The following REV1 variants were observed in gnomAD, a reference collection of about 807,000 sequenced individuals.
REV1 encodes REV1 DNA directed polymerase, also known as translesion synthesis protein REV1.
REV1 carries 42 observed loss-of-function variants against 137.4 expected under a neutral mutation model. The ratio of observed to expected loss-of-function variants is 0.31; its 90% CI spans 0.24 to 0.40. REV1 has a LOEUF of 0.40. REV1 is among the 10% of genes least tolerant of loss of function. The probability of loss-of-function intolerance (pLI) is 1.00; values close to 1 mark genes in which losing one functional copy is unlikely to be tolerated. For missense variants in REV1, 1,282 were observed against 1,490.1 expected, an observed-to-expected ratio of 0.86 and a Z score of 2.30; for synonymous variants, 524 against 519.2, an observed-to-expected ratio of 1.01 and a Z score of -0.12.
At chr2:99,402,076 T>C (rs547664502) in intron 22 of REV1, among the ~76,000 whole-genome samples, 168 bp downstream of exon 22, 17 of 152,288 alleles carry the variant, frequency 1.1e-4, no homozygotes, top group African/African-American at 4.1e-4. Flanking sequence ...GAGGGCAACA[T>C]ATTTGGAACC....
intron 12 of REV1, among the ~76,000 whole-genome samples, chr2:99,415,815 T>G (rs1677778111): frequency 6.6e-6 from 1 of 152,240 alleles, no homozygotes; most frequent in African/African-American, 2.4e-5. Flanking sequence ...CTGAATGAGG[T>G]GCAGAGGGCC....
intron 11 of REV1, among the ~76,000 whole-genome samples, chr2:99,419,432 G>A (rs1243105015): frequency 6.6e-6 from 1 of 151,600 alleles, no homozygotes; most frequent in Non-Finnish European, 1.5e-5. Flanking sequence ...GGATGGTCTC[G>A]ATCTCCTGAC....
At chr2:99,403,478 A>G in intron 19 of REV1, 1 of 641,466 alleles carries the variant, frequency 1.6e-6, no homozygotes, top group Non-Finnish European at 2.6e-6. Context: ...TTTAAAAAGT[A>G]AAAAGTGGTG....
intron 1 of REV1, among the ~76,000 whole-genome samples, chr2:99,488,561 A>AT: frequency 2.0e-5 from 1 of 49,788 alleles, no homozygotes; most frequent in African/African-American, 6.7e-5. Context: ...AGAGCCTTGT[A>AT]TACTGGAGAA....
Position 99,442,344 on chromosome 2 carries a change from T to C in REV1, c.476A>G (p.Asn159Ser), listed in dbSNP as rs763963947. 8.1e-5 allele frequency: 130 copies of C among 1,612,734 alleles called. 2 individuals are homozygous for C. In the South Asian group the frequency reaches 1.3e-3, roughly 16 times the overall value. Residue 159 changes from asparagine to serine, a missense_variant, in exon 5 of 23, where the codon AAT becomes AGT. Transcript: ENST00000258428. ...CCTGTTGTTGAGCTGTTTGGCTATA[T>C]TGCTTGGACCTGGCAGAGGATCCTC... ...RPEDPLPGPS[N>S]IAKQLNNRVN...
In REV1 at chr2:99,439,150, T is replaced by C. The variant is rs369759935; in HGVS notation, c.664A>G (p.Thr222Ala). The change falls in exon 6 of 23, where the codon ACT becomes GCT. Residue 222 changes from threonine to alanine, a missense_variant. Physicochemically the swap from Thr to Ala is moderately conservative, Grantham distance 58. This residue lies in a region of REV1 where 432 missense variants were observed against 438.0 expected (regional missense o/e 0.99). Coordinates refer to ENST00000258428, the MANE Select transcript of REV1 (RefSeq NM_016316.4). ...QNGIPHPRGS[T>A]AIFNGHTPSS... ...GGAGTGTGTCCATTAAAAATGGCAG[T>C]GCTCCCTCTGGGATGCGGAATTCCA... The C allele has an allele frequency of 1.2e-5, 20 of 1,614,074 alleles. No individual in the cohort carries two copies. The African/African-American group carries it at 2.1e-4, about 17-fold the overall frequency.
At chr2:99,468,522 A>G (rs944982910) in intron 1 of REV1, among the ~76,000 whole-genome samples, 1 of 152,198 alleles carries the variant, frequency 6.6e-6, no homozygotes, top group African/African-American at 2.4e-5. Flanking sequence ...CAAACCATCC[A>G]ATTATCAAGC....
chr2:99,454,383 A>G (rs371871241), intron 3 of REV1, among the ~76,000 whole-genome samples: 145 of 151,550 alleles, frequency 9.6e-4, no homozygotes, highest in African/African-American at 3.4e-3. Context: ...AAACCCCGTC[A>G]CTACTAAAAA....
In REV1 at chr2:99,429,815, A is replaced by G. The variant is rs771108591; in HGVS notation, c.1547+25T>C. The G allele has an allele frequency of 2.0e-5, 27 of 1,338,724 alleles. No individual in the cohort carries two copies. In the African/African-American group the frequency reaches 2.7e-4, roughly 13 times the overall value. The allele number at this position is 1,338,724 out of a possible 1,614,324, so 82.9% of individuals were successfully genotyped here. ...TAATTAACCAAATTATTCATTAAGA[A>G]TTGTAACACACAACTTCTACATACC... On this transcript the variant is annotated intron_variant, in intron 9 of 22. Coordinates refer to ENST00000258428, the MANE Select transcript of REV1 (RefSeq NM_016316.4).
chr2:99,404,199 T>C (rs947164735), intron 18 of REV1, among the ~76,000 whole-genome samples: 5 of 152,090 alleles, frequency 3.3e-5, no homozygotes, highest in Non-Finnish European at 5.9e-5. Context: ...CCCAGATCAG[T>C]GTGTTTCTGT....
At chr2:99,478,033 G>T (rs1575240288) in intron 1 of REV1, among the ~76,000 whole-genome samples, 1 of 152,306 alleles carries the variant, frequency 6.6e-6, no homozygotes, top group East Asian at 1.9e-4. Context: ...AGGAGTTCGA[G>T]ACCAGCCTGG....
chr2:99,442,338 G>A lies in REV1; in HGVS notation c.482C>T (p.Ala161Val), dbSNP rs1317335496. The A allele has an allele frequency of 1.2e-6, 2 of 1,609,274 alleles. No homozygotes were observed. The highest frequency in any genetic ancestry group is 1.7e-6 in the Non-Finnish European group (2 of 1,177,618). ...TTACACCCTGTTGTTGAGCTGTTTG[G>A]CTATATTGCTTGGACCTGGCAGAGG... ...EDPLPGPSNIAKQLNNRVNHI... is the reference protein window; with the variant it reads ...EDPLPGPSNIVKQLNNRVNHI... Residue 161 changes from alanine (A) to valine (V), a missense_variant, in exon 5 of 23, where the codon GCC becomes GTC. Physicochemically the swap from Ala to Val is moderately conservative, Grantham distance 64 (BLOSUM62 0). Around this residue, in one of 7 missense-constraint regions of REV1, gnomAD observed 432 missense variants for 438.0 expected, o/e 0.99. Transcript: ENST00000258428.
At chr2:99,410,923 A>G in intron 13 of REV1, 56 bp from the exon 14 acceptor site, 1 of 1,392,530 alleles carries the variant, frequency 7.2e-7, no homozygotes, top group Non-Finnish European at 9.7e-7. Flanking sequence ...ATACCTAATA[A>G]TTGTTCTCAA....
intron 1 of REV1, among the ~76,000 whole-genome samples, chr2:99,474,497 A>G (rs888932335): frequency 6.6e-6 from 1 of 152,248 alleles, no homozygotes; most frequent in African/African-American, 2.4e-5. Context: ...ATGCTTCTTC[A>G]CCAGGTAATC....
At chr2:99,482,992 G>T (rs938880984) in intron 1 of REV1, among the ~76,000 whole-genome samples, 1 of 149,984 alleles carries the variant, frequency 6.7e-6, no homozygotes, top group East Asian at 1.9e-4. Flanking sequence ...ACTCCAGCCT[G>T]GGCGACAAGG....
intron 1 of REV1, among the ~76,000 whole-genome samples, chr2:99,488,730 C>G (rs950678033): frequency 6.6e-6 from 1 of 152,140 alleles, no homozygotes; most frequent in Non-Finnish European, 1.5e-5. Context: ...TTGCTACATA[C>G]AGAACTCCAT....
In REV1 at chr2:99,402,662, A is replaced by G. The variant is rs994965794; in HGVS notation, c.3523T>C (p.Trp1175Arg). 1 of 1,614,002 alleles carries G rather than the reference A, an allele frequency of 6.2e-7. No homozygotes were observed. The highest frequency in any genetic ancestry group is 8.5e-7 in the Non-Finnish European group (1 of 1,179,944). ...AGCCAACCTGAAATTGTAGTTATCC[A>G]TTCTCTGAGCAAGGTCTTCACATCA... ...FNDVKTLLRE[W>R]ITTISDPMEE... The change falls in exon 21 of 23, where the codon TGG becomes CGG. Residue 1175 changes from tryptophan to arginine, a missense_variant. Around this residue, in one of 7 missense-constraint regions of REV1, gnomAD observed 170 missense variants for 156.8 expected, o/e 1.08. Coordinates refer to ENST00000258428, the MANE Select transcript of REV1 (RefSeq NM_016316.4).
chr2:99,469,903 C>T (rs1187317812), intron 1 of REV1, among the ~76,000 whole-genome samples: 6 of 151,986 alleles, frequency 3.9e-5, no homozygotes, highest in South Asian at 4.2e-4. Context: ...GGGCAGATCA[C>T]GAGGTCAGGA....
intron 1 of REV1, among the ~76,000 whole-genome samples, chr2:99,487,825 C>T (rs1231044108): frequency 8.5e-6 from 1 of 117,722 alleles, no homozygotes; most frequent in Non-Finnish European, 1.8e-5. Flanking sequence ...TCCTCTCACG[C>T]TTTGTCTCTA....
Sources: allele counts gnomAD v4.1 joint callset (sites outside exome capture counted in the v4.1 genomes callset), GRCh38; gene constraint gnomAD v4.1.1; regional missense constraint gnomAD v4.1.1; transcripts MANE v1.5; gene names NCBI Gene and HGNC (gene_info 2026-07-23, HGNC 2026-07-21).